The following MMP26 variants were observed in gnomAD, a reference collection of about 807,000 sequenced individuals.
MMP26 encodes matrix metalloproteinase-26.
Under a neutral mutation model 31.0 loss-of-function variants are expected in MMP26, and 33 were observed. The observed-to-expected ratio is 1.06, with a 90% confidence interval of 0.81 to 1.42. The LOEUF is 1.42. Among genes scored for constraint, MMP26 ranks in the 40% most tolerant of loss-of-function variants. The pLI is 0.00. For missense variants in MMP26, 347 were observed against 316.1 expected (o/e 1.10, Z -0.74); for synonymous variants, 122 against 114.9 (o/e 1.06, Z -0.40).
chr11:4,762,924 G>A (rs1309767286), intron 1 of MMP26, among the ~76,000 whole-genome samples: 4 of 152,124 alleles, frequency 2.6e-5, no homozygotes, highest in African/African-American at 9.7e-5. Context: ...AAATAGAGTG[G>A]TGGTACAATC....
chr11:4,784,711 TG>T (rs1228513912), intron 2 of MMP26, among the ~76,000 whole-genome samples: 2 of 152,214 alleles, frequency 1.3e-5, no homozygotes, highest in Non-Finnish European at 2.9e-5. Flanking sequence ...AGAACAGAGA[TG>T]GTACATTTGA....
chr11:4,822,006 G>C (rs901106310), intron 2 of MMP26: 7 of 1,613,910 alleles, frequency 4.3e-6, no homozygotes, highest in Non-Finnish European at 5.1e-6. Flanking sequence ...CAGACAATAG[G>C]ATCAACAGCA....
At chr11:4,937,206 A>G (rs887214792) in intron 2 of MMP26, among the ~76,000 whole-genome samples, 2 of 152,232 alleles carry the variant, frequency 1.3e-5, no homozygotes, top group South Asian at 2.1e-4. Context: ...CACTTAGGGT[A>G]CTGAATATCA....
intron 2 of MMP26, among the ~76,000 whole-genome samples, chr11:4,834,589 G>A (rs545829443): frequency 6.6e-6 from 1 of 152,290 alleles, no homozygotes; most frequent in South Asian, 2.1e-4. Flanking sequence ...TCAGGGTTAC[G>A]TGTCCTCTAA....
At position 4,950,459 on chromosome 11, in the gene MMP26, G is replaced by C. The variant is rs897742968; in HGVS notation, c.-144-37609G>C. On this transcript the variant is annotated intron_variant, in intron 2 of 7. Coordinates refer to ENST00000380390, the MANE Select transcript of MMP26 (RefSeq NM_021801.5). The stretch of plus-strand genomic sequence containing the variant: ...GACAAACACTGCATGTTCTCACTTA[G>C]ATGTGGAATCTAAAACAATTGAACT... Among the ~76,000 whole-genome samples, 4 of 120,640 alleles carry C rather than the reference G, an allele frequency of 3.3e-5. 2 individuals carry two copies. The highest frequency in any genetic ancestry group is 1.9e-4 in the Admixed American group (2 of 10,628). The allele number at this position is 120,640 out of a possible 152,430, so 79.1% of individuals were successfully genotyped here. A position where few individuals can be genotyped will look rare whatever the true frequency, so the allele number is the denominator to read the frequency against.
chr11:4,859,762 C>G (rs7947547), intron 2 of MMP26: 87,032 of 471,154 alleles, frequency 0.18, 9,893 homozygotes, highest in South Asian at 0.34. Flanking sequence ...TAAATGCTCC[C>G]AAAATCTGTG....
chr11:4,881,852 A>T, intron 2 of MMP26: 1 of 1,488,860 alleles, frequency 6.7e-7, no homozygotes, highest in Non-Finnish European at 9.4e-7. Flanking sequence ...ATATATAAAG[A>T]ATCTTAATTA....
intron 1 of MMP26, among the ~76,000 whole-genome samples, chr11:4,713,005 G>A (rs1847881125): frequency 6.6e-6 from 1 of 152,054 alleles, no homozygotes; most frequent in Non-Finnish European, 1.5e-5. Flanking sequence ...GACTTTGAAA[G>A]AGTAGGCGAT....
chr11:4,733,301 C>T (rs1848197612), intron 1 of MMP26, among the ~76,000 whole-genome samples: 1 of 152,134 alleles, frequency 6.6e-6, no homozygotes, highest in African/African-American at 2.4e-5. Flanking sequence ...CATGTTGTTC[C>T]ATTTACATTT....
chr11:4,986,169 C>T (rs1193520956), intron 2 of MMP26, among the ~76,000 whole-genome samples: 1 of 152,044 alleles, frequency 6.6e-6, no homozygotes, highest in African/African-American at 2.4e-5. Context: ...AATAGTGTGA[C>T]TTTGGCATGT....
In MMP26 at chr11:4,735,689, G is replaced by A. The variant is rs114840645; in HGVS notation, c.-217+30644G>A. On this transcript the variant is annotated intron_variant, in intron 1 of 7. Transcript: ENST00000380390. ...ACTCTGTAATATTGTTTAGCATCTC[G>A]CAATAGTAGACCCTCAGTAAATGAA... Among the ~76,000 whole-genome samples the A allele has an allele frequency of 7.6e-4, 115 of 151,980 alleles. 1 individual carries two copies. Among genetic ancestry groups the A allele is most frequent in the African/African-American group, 2.6e-3 (109 of 41,436 alleles).
intron 2 of MMP26, among the ~76,000 whole-genome samples, chr11:4,952,555 G>C (rs1846384980): frequency 8.0e-6 from 1 of 125,102 alleles, no homozygotes; most frequent in Admixed American, 8.9e-5. Flanking sequence ...CCTATACTAG[G>C]ACAGGTTTGT....
chr11:4,760,982 A>G (rs1033101587), intron 1 of MMP26, among the ~76,000 whole-genome samples: 3 of 152,206 alleles, frequency 2.0e-5, no homozygotes, highest in Non-Finnish European at 4.4e-5. Flanking sequence ...TGAAAACAAA[A>G]CATCTATATG....
chr11:4,864,383 T>C (rs1850206870), intron 2 of MMP26, among the ~76,000 whole-genome samples: 1 of 152,156 alleles, frequency 6.6e-6, no homozygotes, highest in Non-Finnish European at 1.5e-5. Flanking sequence ...TTCTATCACA[T>C]ATTTATGCCC....
chr11:4,780,240 T>G (rs1193578043), intron 2 of MMP26, among the ~76,000 whole-genome samples: 1 of 152,148 alleles, frequency 6.6e-6, no homozygotes, highest in Non-Finnish European at 1.5e-5. Flanking sequence ...TCATAAGGAA[T>G]GCAGTTTTAA....
intron 2 of MMP26, among the ~76,000 whole-genome samples, chr11:4,874,412 T>A (rs1423375393): frequency 6.6e-6 from 1 of 152,042 alleles, no homozygotes; most frequent in African/African-American, 2.4e-5. Flanking sequence ...GTGGCTTTGC[T>A]CCTTTCTATG....
intron 1 of MMP26, among the ~76,000 whole-genome samples, chr11:4,745,761 C>G (rs546922046): frequency 4.6e-5 from 7 of 152,272 alleles, no homozygotes; most frequent in African/African-American, 1.7e-4. Flanking sequence ...TCTGTCTATT[C>G]TCCTATATCT....
At chr11:4,907,466 C>T (rs1850914564) in intron 2 of MMP26, 1 of 1,613,922 alleles carries the variant, frequency 6.2e-7, no homozygotes, top group Admixed American at 1.7e-5. Flanking sequence ...CCCCATTTGC[C>T]TCATGTACCT....
rs191092078 is a variant in MMP26 at position 4,783,384 on chromosome 11, T to C, written c.-145+16043T>C. ...TGTGGGGCTTGTAACCCCTTTGTTT[T>C]GGCCAATTTCTCCCATTTGGAATGG... On this transcript the variant is annotated intron_variant, in intron 2 of 7. Transcript: ENST00000380390. Among the ~76,000 whole-genome samples, 23 of 152,346 alleles carry C rather than the reference T, an allele frequency of 1.5e-4. 1 individual carries two copies. Among genetic ancestry groups the C allele is most frequent in the Admixed American group, 1.5e-3 (23 of 15,304 alleles).
Sources: allele counts gnomAD v4.1 joint callset (sites outside exome capture counted in the v4.1 genomes callset), GRCh38; gene constraint gnomAD v4.1.1; transcripts MANE v1.5; gene names NCBI Gene and HGNC (gene_info 2026-07-23, HGNC 2026-07-21).